The following ZMAT5 variants were observed in gnomAD, a reference collection of about 807,000 sequenced individuals.
ZMAT5 encodes zinc finger matrin-type 5.
A neutral mutation model predicts 28.0 loss-of-function variants in ZMAT5; 23 were observed. The observed-to-expected ratio is 0.82, with a 90% CI of 0.59 to 1.16. The LOEUF (loss-of-function observed/expected upper bound fraction) is 1.16, where lower values mean the gene tolerates loss of function less well. ZMAT5 is among the 50% of genes most tolerant of loss of function. The pLI is 0.00. For missense variants in ZMAT5, 173 were observed against 212.7 expected (o/e 0.81, Z 1.16); for synonymous variants, 76 against 84.1 (o/e 0.90, Z 0.52).
At chr22:29,744,510 G>A (rs1423223839) in intron 2 of ZMAT5, among the ~76,000 whole-genome samples, 2 of 151,936 alleles carry the variant, frequency 1.3e-5, no homozygotes, top group African/African-American at 4.8e-5. Context: ...CCCAGCTGGT[G>A]CTACAGACAC....
At chr22:29,755,593 A>G (rs131271) in intron 1 of ZMAT5, among the ~76,000 whole-genome samples, 63,912 of 151,846 alleles carry the variant, frequency 0.42, 14,024 homozygotes, top group East Asian at 0.6. Flanking sequence ...TCCTAGAGAC[A>G]CTCTGAGTAG....
At chr22:29,752,265 G>A (rs561046806) in intron 1 of ZMAT5, among the ~76,000 whole-genome samples, 3 of 152,204 alleles carry the variant, frequency 2.0e-5, no homozygotes, top group South Asian at 2.1e-4. Context: ...TGGACCACAC[G>A]CTCCTCGGCC....
chr22:29,740,021 T>TG (rs1000363219), intron 4 of ZMAT5, among the ~76,000 whole-genome samples: 9 of 152,200 alleles, frequency 5.9e-5, no homozygotes, highest in Non-Finnish European at 7.4e-5. Flanking sequence ...CCCAACCTGC[T>TG]GGGGGGCTCA....
chr22:29,751,914 T>C (rs2068058455), intron 1 of ZMAT5, among the ~76,000 whole-genome samples: 3 of 151,816 alleles, frequency 2.0e-5, no homozygotes, highest in Admixed American at 6.6e-5. Flanking sequence ...TGCAGTGAAC[T>C]GAGACTGAGC....
chr22:29,732,712 C>A (rs2067861526), intron 5 of ZMAT5, among the ~76,000 whole-genome samples: 1 of 146,030 alleles, frequency 6.8e-6, no homozygotes, highest in Admixed American at 7.0e-5. Flanking sequence ...TGCACTCCAG[C>A]CTGGGCGACA....
intron 2 of ZMAT5, chr22:29,747,164 C>T (rs1346367101): frequency 6.6e-6 from 1 of 152,172 alleles, no homozygotes; most frequent in Non-Finnish European, 1.5e-5. Flanking sequence ...TCCTAACCTG[C>T]AGCCGGAGTT....
At chr22:29,758,111 G>A (rs1261185727) in intron 1 of ZMAT5, among the ~76,000 whole-genome samples, 1 of 152,120 alleles carries the variant, frequency 6.6e-6, no homozygotes, top group African/African-American at 2.4e-5. Context: ...GAGCAGCCCT[G>A]CAGGGTGGCC....
intron 5 of ZMAT5, among the ~76,000 whole-genome samples, chr22:29,737,532 G>A (rs375726307): frequency 6.6e-6 from 1 of 152,208 alleles, no homozygotes. Context: ...TCTGAAGCCC[G>A]TTGCAAGATG....
chr22:29,733,192 G>C (rs562796205), intron 5 of ZMAT5, among the ~76,000 whole-genome samples: 2 of 152,286 alleles, frequency 1.3e-5, no homozygotes, highest in South Asian at 4.1e-4. Context: ...CCTCTGCTCT[G>C]GCACACTCCC....
chr22:29,750,230 GC>G (rs1333206508), intron 1 of ZMAT5, among the ~76,000 whole-genome samples: 1 of 152,110 alleles, frequency 6.6e-6, no homozygotes, highest in Non-Finnish European at 1.5e-5. Flanking sequence ...AGTGTGATTT[GC>G]CCAAGGTCAC....
chr22:29,731,484 C>G (rs542631882), intron 5 of ZMAT5, 130 bp from the exon 6 acceptor site: 38 of 1,291,648 alleles, frequency 2.9e-5, no homozygotes, highest in Admixed American at 1.1e-4. Flanking sequence ...TTCTGGAAGG[C>G]AGAGCCTCGA....
At chr22:29,758,483 T>C (rs977387262) in intron 1 of ZMAT5, among the ~76,000 whole-genome samples, 1 of 151,646 alleles carries the variant, frequency 6.6e-6, no homozygotes, top group Non-Finnish European at 1.5e-5. Flanking sequence ...ATTAGCTGGG[T>C]GTGGTGATGC....
intron 5 of ZMAT5, among the ~76,000 whole-genome samples, chr22:29,733,423 C>T (rs1052273260): frequency 6.6e-6 from 1 of 152,202 alleles, no homozygotes; most frequent in Non-Finnish European, 1.5e-5. Context: ...CTGGACCAGA[C>T]CTGCCATGCA....
chr22:29,753,868 C>G (rs923620156), intron 1 of ZMAT5, among the ~76,000 whole-genome samples: 1 of 152,048 alleles, frequency 6.6e-6, no homozygotes, highest in Non-Finnish European at 1.5e-5. Flanking sequence ...TGACCTCGCT[C>G]AGATGTAAAA....
intron 1 of ZMAT5, among the ~76,000 whole-genome samples, chr22:29,759,725 A>G (rs894465555): frequency 8.5e-5 from 13 of 152,256 alleles, no homozygotes; most frequent in African/African-American, 3.1e-4. Flanking sequence ...AACTCTGATC[A>G]TGCCACTGTA....
At chr22:29,742,313 T>C in intron 3 of ZMAT5, 105 bp downstream of exon 3, 1 of 1,169,640 alleles carries the variant, frequency 8.5e-7, no homozygotes, top group Non-Finnish European at 1.2e-6. Context: ...AAAGTGGGCT[T>C]GGGATGGTGG....
At chr22:29,745,251 T>TG (rs2067999205) in intron 2 of ZMAT5, among the ~76,000 whole-genome samples, 1 of 151,250 alleles carries the variant, frequency 6.6e-6, no homozygotes, top group Non-Finnish European at 1.5e-5. Context: ...TCTGAGGTGG[T>TG]GGGGGGGCCT....
Position 29,731,205 on chromosome 22 carries a change from G to A in ZMAT5, c.*20C>T, listed in dbSNP as rs767717505. ...TGATGAGAAAAGTGACCACGTGGGGGTCAGTCGGGGGCAAGGGGCTCAGCC... is the reference window on the plus strand; with the variant it reads ...TGATGAGAAAAGTGACCACGTGGGGATCAGTCGGGGGCAAGGGGCTCAGCC... On this transcript the variant is annotated 3_prime_UTR_variant, in exon 6 of 6. Transcript: ENST00000344318. 1 of 1,478,406 alleles carries A rather than the reference G, an allele frequency of 6.8e-7. No individual in the cohort carries two copies. Among genetic ancestry groups the A allele is most frequent in the Non-Finnish European group, 8.9e-7 (1 of 1,123,158 alleles). 91.6% of individuals were successfully genotyped at this position (1,478,406 alleles called of 1,614,324 possible). A position where few individuals can be genotyped will look rare whatever the true frequency, so the allele number is the denominator to read the frequency against.
In ZMAT5 at chr22:29,755,723, TG is replaced by T. The variant is rs369570604; in HGVS notation, c.-27-7153del. ...TAATAACCATAACAATTACTGTTAGTGTCAGTAACAATAATGACACATCAAT... is the reference window on the plus strand; with the variant it reads ...TAATAACCATAACAATTACTGTTAGTTCAGTAACAATAATGACACATCAAT... On this transcript the variant is annotated intron_variant, in intron 1 of 5. Transcript: ENST00000344318. Among the ~76,000 whole-genome samples, 15 of 123,900 alleles carry T rather than the reference TG, an allele frequency of 1.2e-4. No individual in the cohort carries two copies. In the East Asian group the frequency reaches 2.1e-3, roughly 18 times the overall value. The allele number at this position is 123,900 out of a possible 152,430, so 81.3% of individuals were successfully genotyped here.
Sources: gnomAD v4.1 joint callset for allele counts (sites outside exome capture counted in the v4.1 genomes callset) on GRCh38, gnomAD v4.1.1 for gene constraint, MANE v1.5 for transcripts, NCBI Gene and HGNC (gene_info 2026-07-23, HGNC 2026-07-21) for gene names.